MYO15A: variants seen among roughly 807,000 people sequenced by gnomAD.
The protein encoded by MYO15A is myosin XVA, also known as unconventional myosin-XV.
Under a neutral mutation model 394.6 loss-of-function variants are expected in MYO15A, and 308 were observed. The observed-to-expected ratio is 0.78, with a 90% CI of 0.71 to 0.86. The LOEUF (loss-of-function observed/expected upper bound fraction) is 0.86, where lower values mean the gene tolerates loss of function less well. Among genes scored for constraint, MYO15A ranks in the 40% least tolerant of loss-of-function variants. The pLI, the probability that MYO15A is intolerant of heterozygous loss-of-function variation, is 0.00. For missense variants in MYO15A, 4,606 were observed against 4,799.1 expected (o/e 0.96, Z 1.19); for synonymous variants, 1,957 against 2,003.8 (o/e 0.98, Z 0.62).
chr17:18,136,736 C>T, intron 15 of MYO15A, 50 bp downstream of exon 15: 2 of 1,544,100 alleles, frequency 1.3e-6, no homozygotes, highest in East Asian at 2.4e-5. Context: ...CAAGGTCTCG[C>T]CTCCCTCAGG....
chr17:18,115,344 C>G (rs548841906), intron 1 of MYO15A, among the ~76,000 whole-genome samples: 8 of 152,260 alleles, frequency 5.3e-5, no homozygotes, highest in African/African-American at 1.7e-4. Flanking sequence ...CGAGGCTAGG[C>G]TTGGTGGCTC....
At chr17:18,118,248 C>G (rs712266) in intron 1 of MYO15A, among the ~76,000 whole-genome samples, 1 of 152,186 alleles carries the variant, frequency 6.6e-6, no homozygotes, top group African/African-American at 2.4e-5. Context: ...TGCCTAGGAC[C>G]TAGAGGGTTC....
chr17:18,157,970 C>T, intron 51 of MYO15A, 70 bp downstream of exon 51: 1 of 1,438,544 alleles, frequency 7.0e-7, no homozygotes, highest in Non-Finnish European at 9.1e-7. Context: ...AGGGGTGAGG[C>T]GAGTGGGGAT....
chr17:18,144,546 A>G lies in MYO15A; in HGVS notation c.6227A>G (p.Gln2076Arg). 1 of 1,613,254 alleles carries G rather than the reference A, an allele frequency of 6.2e-7. No individual in the cohort carries two copies. The highest frequency in any genetic ancestry group is 8.5e-7 in the Non-Finnish European group (1 of 1,180,002). The change falls in exon 29 of 66, where the codon CAG (glutamine) becomes CGG (arginine). Residue 2076 changes from glutamine to arginine, a missense_variant. This residue lies in a region of MYO15A where 2,776 missense variants were observed against 3,109.3 expected (regional missense o/e 0.89). Transcript: ENST00000647165. ...LTVPLRTPLT[Q>R]LPAEHHAEAV... is the part of the protein sequence containing the mutation. ...GTGCCCCTGAGGACACCCCTCACGC[A>G]GCTGCCAGCCGAGCACCATGCAGAA...
At chr17:18,159,045 A>AG in intron 53 of MYO15A, 48 bp downstream of exon 53, 2 of 1,596,232 alleles carry the variant, frequency 1.3e-6, no homozygotes, top group Non-Finnish European at 1.7e-6. Context: ...ATGGTGATGC[A>AG]GGGGCCCCCT....
intron 40 of MYO15A, 40 bp downstream of exon 40, chr17:18,151,567 C>G (rs2046583424): frequency 6.2e-7 from 1 of 1,612,196 alleles, no homozygotes; most frequent in Non-Finnish European, 8.5e-7. Flanking sequence ...AGCCCCCTCA[C>G]TGTACCTGAG....
In MYO15A at chr17:18,148,305, T is replaced by G. The variant is rs2046516295; in HGVS notation, c.6691+95T>G. 6 of 1,545,404 alleles carry G rather than the reference T, an allele frequency of 3.9e-6. No homozygotes were observed. Among genetic ancestry groups the G allele is most frequent in the Non-Finnish European group, 4.4e-6 (5 of 1,138,466 alleles). Reference sequence around the variant, plus strand: ...CAGAAGCCACTGGATGTTCTGGAGCTGGGGAGGGGCCTTCTCAGATGTGGC... The same window carrying G: ...CAGAAGCCACTGGATGTTCTGGAGCGGGGGAGGGGCCTTCTCAGATGTGGC... On this transcript the variant is annotated intron_variant, in intron 31 of 65. Coordinates refer to ENST00000647165, the MANE Select transcript of MYO15A (RefSeq NM_016239.4). The surrounding 1 kb of genome is among the most constrained non-coding windows in gnomAD (Gnocchi z 4.8).
In MYO15A at chr17:18,136,687, G is replaced by A. The variant is rs746018732; in HGVS notation, c.4779+1G>A. The A allele has an allele frequency of 1.3e-6, 2 of 1,599,916 alleles. No individual in the cohort carries two copies. Among genetic ancestry groups the A allele is most frequent in the Non-Finnish European group, 1.7e-6 (2 of 1,175,352 alleles). On this transcript the variant is annotated splice_donor_variant, in intron 15 of 65. Coordinates refer to ENST00000647165, the MANE Select transcript of MYO15A (RefSeq NM_016239.4). LOFTEE classifies it high-confidence loss of function. ...CATCCTGGACATCTATGGTTTCGAG[G>A]TGGGGCCGTGTAGGAGGCTGAGGGG... is the stretch of plus-strand genomic sequence containing the variant.
chr17:18,175,990 C>A (rs1028238269), intron 65 of MYO15A, among the ~76,000 whole-genome samples: 4 of 152,172 alleles, frequency 2.6e-5, no homozygotes, highest in Non-Finnish European at 4.4e-5. Flanking sequence ...TTCCTTGATC[C>A]ATCACAGGGC....
chr17:18,138,654 G>A (rs978263899), intron 17 of MYO15A, among the ~76,000 whole-genome samples, 157 bp from the exon 18 acceptor site: 7 of 152,174 alleles, frequency 4.6e-5, no homozygotes, highest in East Asian at 1.9e-4. Flanking sequence ...TAAGGCACTC[G>A]CCTTCTGACC....
chr17:18,122,519 G>A, intron 2 of MYO15A, 110 bp downstream of exon 2: 1 of 1,451,368 alleles, frequency 6.9e-7, no homozygotes, highest in South Asian at 1.4e-5. Context: ...CTGCTTGCTG[G>A]GGCCTCAGTC....
chr17:18,127,141 C>G lies in MYO15A; in HGVS notation c.4008C>G (p.Asn1336Lys), dbSNP rs781661036. 18 of 1,613,938 alleles carry G rather than the reference C, an allele frequency of 1.1e-5. No homozygotes were observed. The highest frequency in any genetic ancestry group is 1.5e-5 in the Non-Finnish European group (18 of 1,179,986). Residue 1336 changes from asparagine (N) to lysine (K), a missense_variant, in exon 7 of 66, where the codon AAC becomes AAG. By Grantham distance (94) the Asn-to-Lys change is moderately conservative. This residue lies in a region of MYO15A where 2,776 missense variants were observed against 3,109.3 expected (regional missense o/e 0.89). Coordinates refer to ENST00000647165, the MANE Select transcript of MYO15A (RefSeq NM_016239.4). ...KLILRYLAAM[N>K]QKREVMQQIK... ...TTCTGCGCTACCTGGCCGCCATGAACCAGAAACGGGAGGTCATGCAGCAGG... is the reference window on the plus strand; with the variant it reads ...TTCTGCGCTACCTGGCCGCCATGAAGCAGAAACGGGAGGTCATGCAGCAGG...
In MYO15A at chr17:18,148,164, G is replaced by A. The variant is rs770120780; in HGVS notation, c.6645G>A (p.Ala2215=). The part of the protein sequence containing the change: ...TLPPTQLEWT[A]TYEKASMALD... Reference sequence around the variant, plus strand: ...CCCCGACCCAGCTCGAGTGGACAGCGACCTATGAGAAGGCCAGCATGGCGC... The same window carrying A: ...CCCCGACCCAGCTCGAGTGGACAGCAACCTATGAGAAGGCCAGCATGGCGC... Residue 2215 remains alanine, a synonymous_variant, in exon 31 of 66, where the codon GCG becomes GCA. Transcript: ENST00000647165. This position sits in a 1 kb window ranked among gnomAD's most constrained non-coding sequence, Gnocchi z 4.8. The A allele has an allele frequency of 2.0e-5, 33 of 1,613,680 alleles. No homozygotes were observed. The highest frequency in any genetic ancestry group is 2.5e-5 in the Non-Finnish European group (30 of 1,180,038).
At chr17:18,145,402 G>A (rs77683151) in intron 29 of MYO15A, among the ~76,000 whole-genome samples, 2,443 of 152,242 alleles carry the variant, frequency 0.016, 71 homozygotes, top group African/African-American at 0.055. Flanking sequence ...TAAACTGCCT[G>A]GTCATTCGGC....
rs199804600 is a variant in MYO15A, at chr17:18,139,631, G to A, written c.5211+20G>A. On this transcript the variant is annotated intron_variant, in intron 19 of 65. Transcript: ENST00000647165. Reference sequence around the variant, plus strand: ...ACACGGGTAAGCCTCGCCTCCCACCGCTCTGGCCCTGCCCCCAGGCATGTC... The same window carrying A: ...ACACGGGTAAGCCTCGCCTCCCACCACTCTGGCCCTGCCCCCAGGCATGTC... 211 of 1,612,658 alleles carry A rather than the reference G, an allele frequency of 1.3e-4. No homozygotes were observed. The highest frequency in any genetic ancestry group is 1.6e-4 in the African/African-American group (12 of 74,894).
Position 18,151,234 on chromosome 17 carries a change from C to T in MYO15A, c.7598C>T (p.Pro2533Leu). The T allele has an allele frequency of 1.9e-6, 3 of 1,614,174 alleles. No individual in the cohort carries two copies. The highest frequency in any genetic ancestry group is 2.2e-5 in the South Asian group (2 of 91,080). ...PAPLAKAPRLPIKPVAAPVLA... is the reference protein window; with the variant it reads ...PAPLAKAPRLLIKPVAAPVLA... ...CCTCTGGCCAAGGCTCCAAGGCTCC[C>T]CATCAAGCCTGTGGCTGCCCCTGTT... Residue 2533 changes from proline to leucine, a missense_variant, in exon 39 of 66, where the codon CCC becomes CTC. Physicochemically the swap from Pro to Leu is moderately conservative, Grantham distance 98 (BLOSUM62 -3). Transcript: ENST00000647165.
chr17:18,176,274 G>A (rs1007992107), intron 65 of MYO15A, among the ~76,000 whole-genome samples: 1 of 152,162 alleles, frequency 6.6e-6, no homozygotes, highest in African/African-American at 2.4e-5. Context: ...ACCAGCATCT[G>A]CTTGGCTTCT....
In MYO15A at chr17:18,137,633, A is replaced by G. The variant is rs141195301; in HGVS notation, c.4829A>G (p.Glu1610Gly). 1 of 1,614,214 alleles carries G rather than the reference A, an allele frequency of 6.2e-7. No individual in the cohort carries two copies. Among genetic ancestry groups the G allele is most frequent in the Non-Finnish European group, 8.5e-7 (1 of 1,180,042 alleles). ...CAGCTGTGTATTAACTACGCAAACG[A>G]GAACCTTCAGTACCTTTTCAACAAG... ...FEQLCINYAN[E>G]NLQYLFNKIV... Residue 1610 changes from glutamate to glycine, a missense_variant, in exon 16 of 66, where the codon GAG becomes GGG. Coordinates refer to ENST00000647165, the MANE Select transcript of MYO15A (RefSeq NM_016239.4).
chr17:18,122,500 GGA>G, intron 2 of MYO15A, 91 bp downstream of exon 2: 1 of 1,502,468 alleles, frequency 6.7e-7, no homozygotes. Context: ...GTGCAACCTT[GGA>G]GAGAGGCTGC....
Sources: gnomAD v4.1 joint callset for allele counts (sites outside exome capture counted in the v4.1 genomes callset) on GRCh38, gnomAD v4.1.1 for gene constraint, gnomAD v4.1.1 regional missense constraint, Gnocchi (gnomAD v3.1) non-coding constraint, MANE v1.5 for transcripts, NCBI Gene and HGNC (gene_info 2026-07-23, HGNC 2026-07-21) for gene names.